The following PCDHA6 variants were observed in gnomAD, a reference collection of about 807,000 sequenced individuals.
PCDHA6 encodes protocadherin alpha 6, also known as protocadherin alpha-6.
PCDHA6 carries 55 observed loss-of-function variants against 60.3 expected under a neutral mutation model. The observed-to-expected ratio is 0.91, with a 90% CI of 0.73 to 1.14. The LOEUF is 1.14. Among genes scored for constraint, PCDHA6 ranks in the 50% most tolerant of loss-of-function variants. The probability of loss-of-function intolerance (pLI) is 0.00; values close to 1 mark genes in which losing one functional copy is unlikely to be tolerated. For synonymous variants in PCDHA6, 652 were observed against 557.9 expected (o/e 1.17, Z -2.38); for missense variants, 1,327 against 1,256.5 (o/e 1.06, Z -0.85).
chr5:140,836,312 G>T, intron 1 of PCDHA6: 1 of 1,613,712 alleles, frequency 6.2e-7, no homozygotes, highest in Middle Eastern at 1.6e-4. Flanking sequence ...CGGACGCACC[G>T]CGCCACCGCC....
chr5:140,973,590 A>G (rs562109843), intron 1 of PCDHA6, among the ~76,000 whole-genome samples: 3 of 152,340 alleles, frequency 2.0e-5, no homozygotes, highest in Non-Finnish European at 4.4e-5. Context: ...GCTGAGCCAG[A>G]TGGAATTATG....
chr5:140,840,656 A>T (rs1281424347), intron 1 of PCDHA6, among the ~76,000 whole-genome samples: 3 of 152,078 alleles, frequency 2.0e-5, no homozygotes, highest in Non-Finnish European at 4.4e-5. Flanking sequence ...TGTAAAGAAT[A>T]TGCACATACA....
At chr5:140,967,060 G>T in intron 1 of PCDHA6, 1 of 1,612,802 alleles carries the variant, frequency 6.2e-7, no homozygotes, top group Non-Finnish European at 8.5e-7. Flanking sequence ...CGAGTGGAGC[G>T]CTCTTCGTCA....
chr5:140,828,167 G>T lies in PCDHA6; in HGVS notation c.76G>T (p.Val26Leu), dbSNP rs2150151697. The T allele has an allele frequency of 2.5e-6, 4 of 1,614,056 alleles. No homozygotes were observed. Among genetic ancestry groups the T allele is most frequent in the Non-Finnish European group, 3.4e-6 (4 of 1,180,030 alleles). Residue 26 changes from valine (V) to leucine (L), a missense_variant, in exon 1 of 4, where the codon GTG (valine) becomes TTG (leucine). Coordinates refer to ENST00000529310, the MANE Select transcript of PCDHA6 (RefSeq NM_018909.4). ...LPLLLLAAWKVGSGQLHYSVP... is the reference protein window; with the variant it reads ...LPLLLLAAWKLGSGQLHYSVP... ...GCTTCTGCTCCTCGCAGCCTGGAAGGTGGGGAGCGGCCAGCTCCACTACTC... is the reference window on the plus strand; with the variant it reads ...GCTTCTGCTCCTCGCAGCCTGGAAGTTGGGGAGCGGCCAGCTCCACTACTC...
chr5:140,829,780 G>A lies in PCDHA6; in HGVS notation c.1689G>A (p.Pro563=). 2 of 1,613,792 alleles carry A rather than the reference G, an allele frequency of 1.2e-6. No individual in the cohort carries two copies. The highest frequency in any genetic ancestry group is 1.7e-6 in the Non-Finnish European group (2 of 1,179,872). The change falls in exon 1 of 4, where the codon CCG becomes CCA. Residue 563 remains proline, a synonymous_variant. Coordinates refer to ENST00000529310, the MANE Select transcript of PCDHA6 (RefSeq NM_018909.4). ...TGCTGGACGAGAACGACAACGCGCC[G>A]GCGCTGCTGGCGCCTCGGGTGGGTG... ...VFVLDENDNA[P]ALLAPRVGGT...
At chr5:140,991,691 A>G (rs2153897191) in intron 3 of PCDHA6, among the ~76,000 whole-genome samples, 1 of 152,286 alleles carries the variant, frequency 6.6e-6, no homozygotes, top group Middle Eastern at 3.4e-3. Flanking sequence ...TCTCTAGTAG[A>G]GCCATTAATA....
chr5:140,853,640 A>G, intron 1 of PCDHA6: 1 of 988,756 alleles, frequency 1.0e-6, no homozygotes, highest in Non-Finnish European at 1.2e-6. Context: ...CACAGACCTA[A>G]ATTGAGCCTG....
At chr5:140,854,786 T>C (rs1450624058) in intron 1 of PCDHA6, 1 of 149,564 alleles carries the variant, frequency 6.7e-6, no homozygotes, top group Admixed American at 6.7e-5. Context: ...TTCAAGAACT[T>C]TGAGAGAGAA....
chr5:140,972,386 A>G (rs2096534472), intron 1 of PCDHA6, among the ~76,000 whole-genome samples: 1 of 148,802 alleles, frequency 6.7e-6, no homozygotes, highest in African/African-American at 2.5e-5. Flanking sequence ...GTATTTGTTT[A>G]TTTGCTTCAC....
At chr5:140,843,404 G>C (rs2150359308) in intron 1 of PCDHA6, 2 of 1,596,130 alleles carry the variant, frequency 1.3e-6, no homozygotes, top group Admixed American at 3.4e-5. Context: ...GGCGCTGGTG[G>C]ATGTCAACGT....
At chr5:140,901,485 C>T (rs894282962) in intron 1 of PCDHA6, among the ~76,000 whole-genome samples, 1 of 152,086 alleles carries the variant, frequency 6.6e-6, no homozygotes, top group African/African-American at 2.4e-5. Context: ...GTTCTTGGCA[C>T]CTTCATCGAA....
intron 1 of PCDHA6, among the ~76,000 whole-genome samples, chr5:140,961,888 T>G (rs1361187779): frequency 4.0e-5 from 5 of 124,944 alleles, no homozygotes; most frequent in Non-Finnish European, 7.9e-5. Context: ...CTTACATCAG[T>G]TTTTTTTTTT....
At position 140,923,025 on chromosome 5, in the gene PCDHA6, C is replaced by G. The variant is rs547252764; in HGVS notation, c.2395-55924C>G. ...GGTTGTTGGACTGCAGTTTCGGACTCTATTACTACATGTATAGTATTTAGA... is the reference window on the plus strand; with the variant it reads ...GGTTGTTGGACTGCAGTTTCGGACTGTATTACTACATGTATAGTATTTAGA... On this transcript the variant is annotated intron_variant, in intron 1 of 3. Coordinates refer to ENST00000529310, the MANE Select transcript of PCDHA6 (RefSeq NM_018909.4). 2.6e-5 allele frequency among the ~76,000 whole-genome samples: 4 copies of G among 152,296 alleles called. No homozygotes were observed. The East Asian group carries it at 7.7e-4, about 29-fold the overall frequency.
rs1440009442 is a variant in PCDHA6, at chr5:140,964,448, A to G, written c.2395-14501A>G. Among the ~76,000 whole-genome samples the G allele has an allele frequency of 3.3e-5, 5 of 152,212 alleles. No homozygotes were observed. The South Asian group carries it at 8.3e-4, about 25-fold the overall frequency. On this transcript the variant is annotated intron_variant, in intron 1 of 3. Transcript: ENST00000529310. ...AAAATTACCAAGCCTCTGCCACTGT[A>G]ATCTCTTCCTTAAGTGCCTATGATT...
In PCDHA6 at chr5:141,010,049, C is replaced by G. The variant is rs1554262651; in HGVS notation, c.*112C>G. 7 of 1,597,692 alleles carry G rather than the reference C, an allele frequency of 4.4e-6. No individual in the cohort carries two copies. The highest frequency in any genetic ancestry group is 1.3e-5 in the African/African-American group (1 of 74,172). On this transcript the variant is annotated 3_prime_UTR_variant, in exon 4 of 4. Coordinates refer to ENST00000529310, the MANE Select transcript of PCDHA6 (RefSeq NM_018909.4). ...TATCTACATGAGCCCTCTTAGAGAC[C>G]TCAGAAATCTGCAGAAAGTTCCCTG...
intron 1 of PCDHA6, among the ~76,000 whole-genome samples, chr5:140,916,018 T>C (rs550604062): frequency 6.6e-6 from 1 of 152,254 alleles, no homozygotes; most frequent in East Asian, 1.9e-4. Flanking sequence ...ACAAAGTCTT[T>C]CCCATTCTTC....
intron 1 of PCDHA6, chr5:140,849,568 C>G: frequency 1.3e-6 from 2 of 1,598,620 alleles, no homozygotes; most frequent in Non-Finnish European, 1.7e-6. Flanking sequence ...CTCTCGGTTC[C>G]TGTAAAAGAG....
At chr5:140,973,782 C>CT (rs1461331270) in intron 1 of PCDHA6, among the ~76,000 whole-genome samples, 7 of 152,208 alleles carry the variant, frequency 4.6e-5, no homozygotes, top group African/African-American at 1.7e-4. Flanking sequence ...TATAGGTTGC[C>CT]TATTGGCATG....
chr5:140,999,132 T>C (rs1430473415), intron 3 of PCDHA6, among the ~76,000 whole-genome samples: 2 of 152,160 alleles, frequency 1.3e-5, no homozygotes, highest in Non-Finnish European at 2.9e-5. Flanking sequence ...CTGGAAAATG[T>C]CACAGCCGGA....
Sources: gnomAD v4.1 joint callset for allele counts (sites outside exome capture counted in the v4.1 genomes callset) on GRCh38, gnomAD v4.1.1 for gene constraint, MANE v1.5 for transcripts, NCBI Gene and HGNC (gene_info 2026-07-23, HGNC 2026-07-21) for gene names.